CA4: variants seen among roughly 807,000 people sequenced by gnomAD.
CA4 encodes CA-IV.
Under a neutral mutation model 34.5 loss-of-function variants are expected in CA4, and 24 were observed. That is an observed-to-expected ratio of 0.70 (90% CI 0.50 to 0.98). The LOEUF (loss-of-function observed/expected upper bound fraction) is 0.98. Ranked by LOEUF, CA4 falls within the 50% of genes least tolerant of loss-of-function variation. The pLI is 0.00. For synonymous variants in CA4, 178 were observed against 170.6 expected (o/e 1.04, Z -0.34); for missense variants, 394 against 396.7 (o/e 0.99, Z 0.06).
intron 4 of CA4, 54 bp from the exon 5 acceptor site, chr17:60,157,636 G>GCCCA (rs1472768645): frequency 6.2e-7 from 1 of 1,613,628 alleles, no homozygotes; most frequent in Non-Finnish European, 8.5e-7. Context: ...CTTGGGCAAG[G>GCCCA]AGGGTAGTCC....
intron 7 of CA4, 89 bp from the exon 8 acceptor site, chr17:60,159,141 C>A: frequency 8.4e-7 from 1 of 1,186,654 alleles, no homozygotes; most frequent in Non-Finnish European, 1.2e-6. Context: ...TGAGGGCTCC[C>A]AGGACAGGAT....
chr17:60,150,227 C>T, intron 1 of CA4, 135 bp downstream of exon 1: 2 of 709,618 alleles, frequency 2.8e-6, no homozygotes, highest in South Asian at 1.9e-5. Context: ...TGCGTGTGCG[C>T]CGGGGGCCGC....
chr17:60,172,561 A>G (rs1332910608), downstream of CA4, among the ~76,000 whole-genome samples: 1 of 152,232 alleles, frequency 6.6e-6, no homozygotes, highest in Admixed American at 6.5e-5. Context: ...ATAGATACAT[A>G]TGTGCCGTGT....
intron 1 of CA4, among the ~76,000 whole-genome samples, chr17:60,150,384 C>T (rs1419989831): frequency 6.6e-6 from 1 of 152,090 alleles, no homozygotes; most frequent in South Asian, 2.1e-4. Flanking sequence ...GATAAGGATG[C>T]GTCTCAGGCC....
At chr17:60,153,339 A>G (rs1001851783) in intron 1 of CA4, among the ~76,000 whole-genome samples, 8 of 152,140 alleles carry the variant, frequency 5.3e-5, no homozygotes, top group African/African-American at 1.4e-4. Flanking sequence ...CTCTATCTCA[A>G]TAATAATAAT....
At position 60,157,456 on chromosome 17, in the gene CA4, A is replaced by T; in HGVS notation, c.298A>T (p.Ile100Phe). ...VMMLLENKAS[I>F]SGGGLPAPYQ... ...GATGTTGCTGGAGAACAAGGCCAGC[A>T]TTTCTGGAGGAGGACTGCCTGCCCC... is the stretch of plus-strand genomic sequence containing the variant. Residue 100 changes from isoleucine (I) to phenylalanine (F), a missense_variant, in exon 4 of 8, where the codon ATT becomes TTT. Transcript: ENST00000300900. 6.2e-7 allele frequency: 1 copy of T among 1,614,164 alleles called. No individual in the cohort carries two copies. The highest frequency in any genetic ancestry group is 1.1e-5 in the South Asian group (1 of 91,088).
At position 60,157,566 on chromosome 17, in the gene CA4, C is replaced by A; in HGVS notation, c.408C>A (p.Ala136=). 1 of 1,614,208 alleles carries A rather than the reference C, an allele frequency of 6.2e-7. No individual in the cohort carries two copies. The highest frequency in any genetic ancestry group is 1.1e-5 in the South Asian group (1 of 91,084). The change falls in exon 4 of 8, where the codon GCC becomes GCA. Residue 136 remains alanine, a synonymous_variant. Transcript: ENST00000300900. ...SEHSLDGEHF[A]MEMHIVHEKE... ...ACAGCCTCGATGGGGAGCACTTTGC[C>A]ATGGAGGTGAGGGCCCCTTCCCGAC...
At chr17:60,167,959 C>T (rs1215772144) in intron 5 of CA4, among the ~76,000 whole-genome samples, 3 of 152,150 alleles carry the variant, frequency 2.0e-5, no homozygotes, top group East Asian at 3.9e-4. Flanking sequence ...CATGACAGGA[C>T]AGACTTGCCT....
At chr17:60,162,763 G>A (rs1234180516), downstream of CA4, among the ~76,000 whole-genome samples, 1 of 152,178 alleles carries the variant, frequency 6.6e-6, no homozygotes, top group African/African-American at 2.4e-5. Context: ...TCCCATTGGG[G>A]TGGTGTTATC....
At chr17:60,167,107 G>A (rs957848818) in intron 5 of CA4, among the ~76,000 whole-genome samples, 4 of 152,196 alleles carry the variant, frequency 2.6e-5, no homozygotes, top group Non-Finnish European at 4.4e-5. Context: ...CCTTGCCAGC[G>A]AATGAATGAC....
At chr17:60,160,667 G>C (rs971831055), downstream of CA4, among the ~76,000 whole-genome samples, 3 of 151,338 alleles carry the variant, frequency 2.0e-5, no homozygotes, top group Non-Finnish European at 4.4e-5. Flanking sequence ...GGAGGCTGAG[G>C]CAGGAGAATT....
chr17:60,150,078 C>T lies in CA4; in HGVS notation c.44C>T (p.Pro15Leu). ...CTCCTGGCCCTCTCCGCGGCGCGGC[C>T]ATCGGCCAGTGCAGGTGAGCTCCCG... ...LALLALSAAR[P>L]SASAESHWCY... The change falls in exon 1 of 8, where the codon CCA (proline) becomes CTA (leucine). Residue 15 changes from proline to leucine, a missense_variant. Coordinates refer to ENST00000300900, the MANE Select transcript of CA4 (RefSeq NM_000717.5). 1.3e-6 allele frequency: 2 copies of T among 1,599,308 alleles called. No individual in the cohort carries two copies. The highest frequency in any genetic ancestry group is 1.7e-6 in the Non-Finnish European group (2 of 1,178,948).
At chr17:60,159,719 C>T (rs1329123859), downstream of CA4, among the ~76,000 whole-genome samples, 1 of 152,172 alleles carries the variant, frequency 6.6e-6, no homozygotes, top group Non-Finnish European at 1.5e-5. Context: ...CTATACCCCA[C>T]TCCCTTCTAC....
At chr17:60,153,887 C>T (rs1453925191) in intron 1 of CA4, among the ~76,000 whole-genome samples, 17 of 152,154 alleles carry the variant, frequency 1.1e-4, no homozygotes, top group Admixed American at 9.8e-4. Context: ...CTGAAAAAGG[C>T]GATGCCAGCA....
chr17:60,158,431 G>C lies in CA4; in HGVS notation c.729G>C (p.Gln243His). ...VVWTVFREPIQLHREQILAFS... is the reference protein window; with the variant it reads ...VVWTVFREPIHLHREQILAFS... ...GGACTGTGTTCCGGGAGCCCATTCA[G>C]CTTCACAGAGAACAGGTGCACAGGG... Residue 243 changes from glutamine (Q) to histidine (H), a missense_variant, in exon 7 of 8, where the codon CAG becomes CAC. Gln to His is a conservative substitution (Grantham distance 24). Transcript: ENST00000300900. The C allele has an allele frequency of 6.2e-7, 1 of 1,613,962 alleles. No homozygotes were observed. Among genetic ancestry groups the C allele is most frequent in the Non-Finnish European group, 8.5e-7 (1 of 1,179,996 alleles).
At chr17:60,158,613 C>A in intron 7 of CA4, 167 bp downstream of exon 7, 1 of 690,898 alleles carries the variant, frequency 1.4e-6, no homozygotes, top group Non-Finnish European at 2.5e-6. Flanking sequence ...AAAGCCTGAG[C>A]TGTTCCATCA....
chr17:60,166,778 G>A (rs1230317835), intron 5 of CA4, among the ~76,000 whole-genome samples: 1 of 152,072 alleles, frequency 6.6e-6, no homozygotes, highest in South Asian at 2.1e-4. Flanking sequence ...GCCACATGGC[G>A]AAACCCTGTC....
downstream of CA4, among the ~76,000 whole-genome samples, chr17:60,163,272 G>A (rs1159324998): frequency 6.6e-6 from 1 of 152,144 alleles, no homozygotes; most frequent in Non-Finnish European, 1.5e-5. Flanking sequence ...TATACCGACA[G>A]GGCCTTGTGA....
chr17:60,170,275 G>A (rs2083901014), intron 5 of CA4, among the ~76,000 whole-genome samples: 1 of 152,210 alleles, frequency 6.6e-6, no homozygotes, highest in Non-Finnish European at 1.5e-5. Flanking sequence ...AGCATAGTCA[G>A]GTAGCCCGGT....
Sources: gnomAD v4.1 joint callset for allele counts (sites outside exome capture counted in the v4.1 genomes callset) on GRCh38, gnomAD v4.1.1 for gene constraint, MANE v1.5 for transcripts, NCBI Gene and HGNC (gene_info 2026-07-23, HGNC 2026-07-21) for gene names.